Variants in THYN1 observed in about 807,000 individuals in gnomAD.
THYN1 encodes the protein thymocyte protein thy28.
THYN1 carries 32 observed loss-of-function variants against 30.6 expected under a neutral mutation model. That is an observed-to-expected ratio of 1.05 (90% CI 0.79 to 1.40). The LOEUF is 1.40. Ranked by LOEUF, THYN1 falls within the 40% of genes most tolerant of loss-of-function variation. The probability of loss-of-function intolerance (pLI) is 0.00; values close to 1 mark genes in which losing one functional copy is unlikely to be tolerated. For synonymous variants in THYN1, 107 were observed against 90.8 expected (o/e 1.18, Z -1.01); for missense variants, 259 against 272.6 (o/e 0.95, Z 0.35).
intron 3 of THYN1, 61 bp from the exon 4 acceptor site, chr11:134,249,981 C>T (rs923621913): frequency 2.0e-6 from 3 of 1,530,042 alleles, no homozygotes; most frequent in Middle Eastern, 2.0e-4. Context: ...TAGCTTTTAG[C>T]AGAAATCAAG....
At chr11:134,252,723 G>C (rs956735608) in intron 1 of THYN1, 117 bp downstream of exon 1, 1 of 1,143,102 alleles carries the variant, frequency 8.7e-7, no homozygotes, top group Non-Finnish European at 1.3e-6. Flanking sequence ...AAGGATAATG[G>C]AGTAAAAATA....
chr11:134,251,725 A>G (rs895344625), intron 1 of THYN1: 2 of 157,416 alleles, frequency 1.3e-5, no homozygotes, highest in African/African-American at 4.8e-5. Context: ...GCATAATAAA[A>G]GCATTATTAT....
chr11:134,248,843 A>ATTATCTCTCT lies in THYN1; in HGVS notation c.596_597insAGAGAGATAA (p.Arg200GlufsTer3), dbSNP rs778742640. The ATTATCTCTCT allele has an allele frequency of 2.5e-6, 4 of 1,614,220 alleles. No individual in the cohort carries two copies. The South Asian group carries it at 4.4e-5, about 18-fold the overall frequency. ...GGGGCTGGATTGATAATCTCTGGCG[A>ATTATCTCTCT]GTGAAGAGAACCATATTTTTTAAGG... On this transcript the variant is annotated stop_gained and frameshift_variant, in exon 6 of 7. Coordinates refer to ENST00000341541, the MANE Select transcript of THYN1 (RefSeq NM_014174.3). LOFTEE classifies it high-confidence loss of function.
At chr11:134,252,514 C>T (rs1217264775) in intron 1 of THYN1, among the ~76,000 whole-genome samples, 1 of 152,172 alleles carries the variant, frequency 6.6e-6, no homozygotes, top group Non-Finnish European at 1.5e-5. Context: ...TTCCTCCCTC[C>T]ATAAACTTAA....
Position 134,249,815 on chromosome 11 carries a change from C to G in THYN1, c.384+13G>C. 1.2e-6 allele frequency: 2 copies of G among 1,613,680 alleles called. No individual in the cohort carries two copies. Among genetic ancestry groups the G allele is most frequent in the Non-Finnish European group, 8.5e-7 (1 of 1,179,742 alleles). ...GAGGAAAAGGGATTCACACCAAAACCTGCCCAACTAACCTTCATGAGTCCT... is the reference window on the plus strand; with the variant it reads ...GAGGAAAAGGGATTCACACCAAAACGTGCCCAACTAACCTTCATGAGTCCT... On this transcript the variant is annotated intron_variant, in intron 4 of 6. Coordinates refer to ENST00000341541, the MANE Select transcript of THYN1 (RefSeq NM_014174.3).
In THYN1 at chr11:134,248,460, A is replaced by C. The variant is rs1442174893; in HGVS notation, c.656T>G (p.Leu219Arg). The change falls in exon 7 of 7, where the codon CTG (leucine) becomes CGG (arginine). Residue 219 changes from leucine to arginine, a missense_variant. Coordinates refer to ENST00000341541, the MANE Select transcript of THYN1 (RefSeq NM_014174.3). ...TQEEFDFVLS[L>R]EEKEPS Reference sequence around the variant, plus strand: ...CAGTTAACTTGGTTCCTTTTCCTCCAGGCTCAAAACAAAATCAAACTCTTC... The same window carrying C: ...CAGTTAACTTGGTTCCTTTTCCTCCCGGCTCAAAACAAAATCAAACTCTTC... 1 of 1,613,856 alleles carries C rather than the reference A, an allele frequency of 6.2e-7. No individual in the cohort carries two copies. The highest frequency in any genetic ancestry group is 8.5e-7 in the Non-Finnish European group (1 of 1,180,000).
chr11:134,252,940 A>T lies in THYN1; in HGVS notation c.-58T>A. ...TTCTGGAATCAACGGAGATACAAGA[A>T]AGAATGCTAATGTCCTCCAAAACCC... On this transcript the variant is annotated 5_prime_UTR_variant, in exon 1 of 7. Transcript: ENST00000341541. 3 of 1,526,324 alleles carry T rather than the reference A, an allele frequency of 2.0e-6. No homozygotes were observed. The highest frequency in any genetic ancestry group is 2.6e-6 in the Non-Finnish European group (3 of 1,139,996). 94.5% of individuals were successfully genotyped at this position (1,526,324 alleles called of 1,614,324 possible).
At chr11:134,250,199 T>C in intron 3 of THYN1, 76 bp downstream of exon 3, 7 of 1,538,676 alleles carry the variant, frequency 4.5e-6, no homozygotes, top group Non-Finnish European at 6.3e-6. Context: ...GAGGTTCTGC[T>C]ACTGAGTACG....
At chr11:134,252,495 TC>T (rs997989638) in intron 1 of THYN1, among the ~76,000 whole-genome samples, 1 of 152,188 alleles carries the variant, frequency 6.6e-6, no homozygotes, top group African/African-American at 2.4e-5. Flanking sequence ...CTCGAGGCCT[TC>T]CCCGTGATTC....
intron 5 of THYN1, 45 bp downstream of exon 5, chr11:134,249,121 CT>C: frequency 6.3e-7 from 1 of 1,586,602 alleles, no homozygotes; most frequent in Non-Finnish European, 8.6e-7. Context: ...TCTTCTTCCC[CT>C]GGTTCATCCT....
In THYN1 at chr11:134,252,944, A is replaced by C; in HGVS notation, c.-62T>G. The C allele has an allele frequency of 6.6e-7, 1 of 1,520,588 alleles. No homozygotes were observed. Among genetic ancestry groups the C allele is most frequent in the African/African-American group, 1.4e-5 (1 of 70,484 alleles). The allele number at this position is 1,520,588 out of a possible 1,614,324, so 94.2% of individuals were successfully genotyped here. A position where few individuals can be genotyped will look rare whatever the true frequency, so the allele number is the denominator to read the frequency against. On this transcript the variant is annotated 5_prime_UTR_variant, in exon 1 of 7. Transcript: ENST00000341541. The stretch of plus-strand genomic sequence containing the variant: ...GGAATCAACGGAGATACAAGAAAGA[A>C]TGCTAATGTCCTCCAAAACCCGCGC...
chr11:134,249,374 CT>C, intron 4 of THYN1, 112 bp from the exon 5 acceptor site: 1 of 1,045,794 alleles, frequency 9.6e-7, no homozygotes, highest in Non-Finnish European at 1.5e-6. Flanking sequence ...ACCCATCTGC[CT>C]TGCTGTACAG....
chr11:134,250,440 G>A, intron 2 of THYN1, 97 bp from the exon 3 acceptor site: 1 of 1,321,504 alleles, frequency 7.6e-7, no homozygotes, highest in Non-Finnish European at 1.1e-6. Flanking sequence ...AATGAGAGGG[G>A]CCACTGGCTA....
At chr11:134,249,003 G>T in intron 5 of THYN1, 44 bp from the exon 6 acceptor site, 1 of 1,608,812 alleles carries the variant, frequency 6.2e-7, no homozygotes, top group South Asian at 1.1e-5. Flanking sequence ...TGTCTAGGCT[G>T]ACTGTGCCCA....
chr11:134,248,506 A>T, intron 6 of THYN1, 22 bp from the exon 7 acceptor site: 1 of 1,613,634 alleles, frequency 6.2e-7, no homozygotes, highest in Non-Finnish European at 8.5e-7. Context: ...AAAGGGAAAA[A>T]GGAAGGATTA....
In THYN1 at chr11:134,248,816, CAG is replaced by C. The variant is rs755612333; in HGVS notation, c.622_623del (p.Leu208AspfsTer6). 8 of 1,614,008 alleles carry C rather than the reference CAG, an allele frequency of 5.0e-6. No individual in the cohort carries two copies. Among genetic ancestry groups the C allele is most frequent in the East Asian group, 2.2e-5 (1 of 44,896 alleles). ...FTRQRLSIQPLTQEEFDFVLS... is the reference protein window; with the variant it reads ...FTRQRLSIQPXTQEEFDFVLS... Reference sequence around the variant, plus strand: ...GAGAGGGCCCACTCTTACCCTGGGTCAGGGGCTGGATTGATAATCTCTGGCGA... The same window carrying C: ...GAGAGGGCCCACTCTTACCCTGGGTCGGGCTGGATTGATAATCTCTGGCGA... On this transcript the variant is annotated frameshift_variant, in exon 6 of 7. Transcript: ENST00000341541. LOFTEE classifies it high-confidence loss of function.
At position 134,252,872 on chromosome 11, in the gene THYN1, G is replaced by T. The variant is rs908853645; in HGVS notation, c.11C>A (p.Pro4His). The T allele has an allele frequency of 1.4e-5, 23 of 1,604,392 alleles. No individual in the cohort carries two copies. The highest frequency in any genetic ancestry group is 1.6e-5 in the Non-Finnish European group (19 of 1,177,200). The change falls in exon 1 of 7, where the codon CCC (proline) becomes CAC (histidine). Residue 4 changes from proline (P) to histidine (H), a missense_variant. Coordinates refer to ENST00000341541, the MANE Select transcript of THYN1 (RefSeq NM_014174.3). The stretch of plus-strand genomic sequence containing the variant: ...AGAAGTCCCAGCCAGCCTCTTCCGG[G>T]GTCTCGACATGGTCACGCTGCAGGG... MSR[P>H]RKRLAGTSGS... is the part of the protein sequence containing the mutation.
Position 134,250,299 on chromosome 11 carries a change from G to C in THYN1, c.267C>G (p.Cys89Trp), listed in dbSNP as rs1938989906. Residue 89 changes from cysteine to tryptophan, a missense_variant, in exon 3 of 7, where the codon TGC (cysteine) becomes TGG (tryptophan). Transcript: ENST00000341541. ...CCTGGTAGTTACGAACACCATCCCA[G>C]CATGTTGTCTGTTTGGGCTGTGCTT... Reference protein sequence around the residue: ...DLKAQPKQTTCWDGVRNYQAR... With the variant: ...DLKAQPKQTTWWDGVRNYQAR... 6.2e-7 allele frequency: 1 copy of C among 1,614,032 alleles called. No individual in the cohort carries two copies. The highest frequency in any genetic ancestry group is 1.3e-5 in the African/African-American group (1 of 74,908).
chr11:134,253,036 A>C lies in THYN1; in HGVS notation c.-154T>G. 7.1e-7 allele frequency: 1 copy of C among 1,414,690 alleles called. No homozygotes were observed. 87.6% of individuals were successfully genotyped at this position (1,414,690 alleles called of 1,614,324 possible). ...CAACTTTTGCGAAACACAGACGCCT[A>C]CGTTTGAGCCCTCAAATCCTTCCCT... On this transcript the variant is annotated 5_prime_UTR_variant, in exon 1 of 7. An upstream open reading frame in the 5' UTR loses its in-frame stop. Transcript: ENST00000341541.
Sources: gnomAD v4.1 joint callset for allele counts (sites outside exome capture counted in the v4.1 genomes callset) on GRCh38, gnomAD v4.1.1 for gene constraint, MANE v1.5 for transcripts, NCBI Gene and HGNC (gene_info 2026-07-23, HGNC 2026-07-21) for gene names.